LSM14A: variants seen among roughly 807,000 people sequenced by gnomAD.
LSM14A encodes LSM14A mRNA processing body assembly factor.
In LSM14A, 14 loss-of-function variants were observed where a neutral mutation model predicts 52.4. That is an observed-to-expected ratio of 0.27 (90% CI 0.18 to 0.42). The LOEUF is 0.42. Among genes scored for constraint, LSM14A ranks in the 10% least tolerant of loss-of-function variants. LSM14A has a pLI of 1.00. For missense variants in LSM14A, 417 were observed against 581.8 expected (o/e 0.72, Z 2.91); for synonymous variants, 185 against 200.3 (o/e 0.92, Z 0.64).
At chr19:34,208,596 T>A (rs1328541041) in intron 3 of LSM14A, 1 of 177,236 alleles carries the variant, frequency 5.6e-6, no homozygotes, top group Non-Finnish European at 1.2e-5. Flanking sequence ...AATGTTGGTG[T>A]TGAATGTACC....
chr19:34,202,008 C>A (rs2071325335), intron 3 of LSM14A, among the ~76,000 whole-genome samples: 1 of 151,688 alleles, frequency 6.6e-6, no homozygotes, highest in Non-Finnish European at 1.5e-5. Flanking sequence ...TTTTGGTAAA[C>A]ACAGCATCTC....
chr19:34,209,777 TC>T lies in LSM14A; in HGVS notation c.538+728del, dbSNP rs528780743. Among the ~76,000 whole-genome samples the T allele has an allele frequency of 1.1e-4, 17 of 152,202 alleles. 1 individual carries two copies. The highest frequency in any genetic ancestry group is 3.4e-3 in the Middle Eastern group (1 of 294). On this transcript the variant is annotated intron_variant, in intron 4 of 9. Transcript: ENST00000544216. Reference sequence around the variant, plus strand: ...GTCTCGAACTCCTGGGCTCAAGCGATCCATTTGCCTTGGCCTCCCCAAAGTG... The same window carrying T: ...GTCTCGAACTCCTGGGCTCAAGCGATCATTTGCCTTGGCCTCCCCAAAGTG...
At chr19:34,210,140 T>C (rs1227480466) in intron 4 of LSM14A, among the ~76,000 whole-genome samples, 1 of 152,258 alleles carries the variant, frequency 6.6e-6, no homozygotes, top group Non-Finnish European at 1.5e-5. Flanking sequence ...GAAAGACCTA[T>C]AGTCACAAGA....
chr19:34,197,642 T>C (rs2070960173), intron 3 of LSM14A, among the ~76,000 whole-genome samples: 2 of 151,838 alleles, frequency 1.3e-5, no homozygotes, highest in South Asian at 2.1e-4. Context: ...GGTTTCACCA[T>C]GTTGGCCAAG....
In LSM14A at chr19:34,213,165, AAAAAC is replaced by A. The variant is rs745964168; in HGVS notation, c.539-1954_539-1950del. 2.7e-5 allele frequency among the ~76,000 whole-genome samples: 4 copies of A among 146,402 alleles called. No homozygotes were observed. The East Asian group carries it at 5.8e-4, about 21-fold the overall frequency. On this transcript the variant is annotated intron_variant, in intron 4 of 9. Transcript: ENST00000544216. ...GACCCTATCCTGTCCCTAAAAAACA[AAAAAC>A]AAAATGTGTTTTATAAGTGATTATA... is the stretch of plus-strand genomic sequence containing the variant.
Position 34,213,547 on chromosome 19 carries a change from A to G in LSM14A, c.539-1577A>G, listed in dbSNP as rs115753048. On this transcript the variant is annotated intron_variant, in intron 4 of 9. Transcript: ENST00000544216. ...ACAGATGGACAGTAACATTTGCAGC[A>G]TATTTGGGGGATTTTTTTACGTGAA... Among the ~76,000 whole-genome samples the G allele has an allele frequency of 4.1e-3, 630 of 152,312 alleles. 6 individuals carry two copies. The highest frequency in any genetic ancestry group is 0.014 in the African/African-American group (596 of 41,562).
intron 3 of LSM14A, among the ~76,000 whole-genome samples, chr19:34,204,515 C>G (rs2071537766): frequency 6.7e-6 from 1 of 149,178 alleles, no homozygotes; most frequent in Admixed American, 6.7e-5. Flanking sequence ...AGTTCAAGAC[C>G]AGCCTGGGGA....
Position 34,227,516 on chromosome 19 carries a change from T to G in LSM14A, c.*128T>G. 3.0e-6 allele frequency: 2 copies of G among 675,138 alleles called. No homozygotes were observed. The highest frequency in any genetic ancestry group is 4.9e-6 in the Non-Finnish European group (2 of 407,536). The allele number at this position is 675,138 out of a possible 1,614,324, so 41.8% of individuals were successfully genotyped here. A position where few individuals can be genotyped will look rare whatever the true frequency, so the allele number is the denominator to read the frequency against. ...TTTGTCACCAGCACTGGGTTTTTGT[T>G]TTTTGTTTGTTTTTCCGCTTAATTT... is the stretch of plus-strand genomic sequence containing the variant. On this transcript the variant is annotated 3_prime_UTR_variant, in exon 10 of 10. Transcript: ENST00000544216.
intron 8 of LSM14A, among the ~76,000 whole-genome samples, chr19:34,220,678 G>A (rs2073000580): frequency 6.6e-6 from 1 of 152,282 alleles, no homozygotes; most frequent in South Asian, 2.1e-4. Context: ...GCAGTTGTTT[G>A]CTTCAATATA....
At chr19:34,181,934 A>C (rs1420654596) in intron 1 of LSM14A, among the ~76,000 whole-genome samples, 1 of 152,060 alleles carries the variant, frequency 6.6e-6, no homozygotes, top group East Asian at 1.9e-4. Flanking sequence ...TTCCCCATCT[A>C]ATCAAATGAC....
chr19:34,172,586 GAC>G lies in LSM14A; in HGVS notation c.-55_-54del. 6.7e-7 allele frequency: 1 copy of G among 1,495,064 alleles called. No individual in the cohort carries two copies. Among genetic ancestry groups the G allele is most frequent in the South Asian group, 1.3e-5 (1 of 78,326 alleles). The allele number at this position is 1,495,064 out of a possible 1,614,324, so 92.6% of individuals were successfully genotyped here. Reference sequence around the variant, plus strand: ...GAGCGAGCGGGCGTGCGGAGCGGGCGACAGTGGCGTGGGATCTGCCTCTCTGC... The same window carrying G: ...GAGCGAGCGGGCGTGCGGAGCGGGCGAGTGGCGTGGGATCTGCCTCTCTGC... On this transcript the variant is annotated 5_prime_UTR_variant, in exon 1 of 10. Coordinates refer to ENST00000544216, the MANE Select transcript of LSM14A (RefSeq NM_015578.4).
chr19:34,224,689 A>G (rs376957853), intron 9 of LSM14A, among the ~76,000 whole-genome samples: 4 of 152,136 alleles, frequency 2.6e-5, no homozygotes, highest in East Asian at 1.9e-4. Context: ...CTCATTCCTC[A>G]TTACCCTTTA....
At chr19:34,180,337 C>G (rs1453979869) in intron 1 of LSM14A, among the ~76,000 whole-genome samples, 1 of 152,100 alleles carries the variant, frequency 6.6e-6, no homozygotes, top group African/African-American at 2.4e-5. Context: ...GAAGAAAATG[C>G]GACCCAAAAT....
chr19:34,196,793 T>TTTTTGTATTCTTG, intron 3 of LSM14A, 30 bp downstream of exon 3: 1 of 1,576,012 alleles, frequency 6.3e-7, no homozygotes, highest in Non-Finnish European at 8.6e-7. Flanking sequence ...TCTTTTTTTG[T>TTTTTGTATTCTTG]TTTTGTATTC....
intron 8 of LSM14A, 64 bp from the exon 9 acceptor site, chr19:34,221,443 A>G (rs1011637801): frequency 6.5e-7 from 1 of 1,527,614 alleles, no homozygotes; most frequent in African/African-American, 1.4e-5. Flanking sequence ...GTAGCACTGC[A>G]TATTTTGGCT....
At chr19:34,207,135 G>A (rs1409271353) in intron 3 of LSM14A, among the ~76,000 whole-genome samples, 2 of 152,164 alleles carry the variant, frequency 1.3e-5, no homozygotes, top group African/African-American at 4.8e-5. Context: ...ATAGATTATA[G>A]ACATAAATTG....
intron 1 of LSM14A, 69 bp downstream of exon 1, chr19:34,172,832 C>G (rs1001964763): frequency 1.1e-4 from 165 of 1,468,798 alleles, no homozygotes; most frequent in Non-Finnish European, 1.3e-5. Context: ...CCGCTCCGGC[C>G]CGCGGCCTCC....
intron 1 of LSM14A, among the ~76,000 whole-genome samples, chr19:34,185,098 G>A (rs1452088012): frequency 6.6e-6 from 1 of 152,094 alleles, no homozygotes; most frequent in African/African-American, 2.4e-5. Flanking sequence ...GGACAAGATG[G>A]GCTCTTAACA....
chr19:34,182,681 CAAAA>C (rs74177115), intron 1 of LSM14A, among the ~76,000 whole-genome samples: 7 of 108,778 alleles, frequency 6.4e-5, no homozygotes, highest in African/African-American at 2.2e-4. Context: ...ACTAAAAATA[CAAAA>C]AAAAAAAAAA....
Sources: allele counts gnomAD v4.1 joint callset (sites outside exome capture counted in the v4.1 genomes callset), GRCh38; gene constraint gnomAD v4.1.1; transcripts MANE v1.5; gene names NCBI Gene and HGNC (gene_info 2026-07-23, HGNC 2026-07-21).